Variants in PLEKHM3 observed in about 807,000 individuals in gnomAD.
PLEKHM3 encodes pleckstrin homology domain containing M3, also known as pleckstrin homology domain-containing family M member 3.
Under a neutral mutation model 81.8 loss-of-function variants are expected in PLEKHM3, and 45 were observed. The ratio of observed to expected loss-of-function variants is 0.55; its 90% CI spans 0.43 to 0.71. PLEKHM3 has a LOEUF of 0.71. Among genes scored for constraint, PLEKHM3 ranks in the 30% least tolerant of loss-of-function variants. The pLI is 0.00. For missense variants in PLEKHM3, 788 were observed against 924.3 expected, an observed-to-expected ratio of 0.85 and a Z score of 1.91; for synonymous variants, 352 against 356.4, an observed-to-expected ratio of 0.99 and a Z score of 0.14.
chr2:207,852,947 C>T (rs2092420232), intron 7 of PLEKHM3: 1 of 382,538 alleles, frequency 2.6e-6, no homozygotes, highest in Non-Finnish European at 5.0e-6. Flanking sequence ...ATGCACATCA[C>T]TTCTGTGGAT....
At chr2:207,979,861 T>G (rs146482618) in intron 2 of PLEKHM3, among the ~76,000 whole-genome samples, 2 of 152,348 alleles carry the variant, frequency 1.3e-5, no homozygotes, top group Admixed American at 1.3e-4. Context: ...TTTACATCTC[T>G]GGTCCTGACA....
At chr2:208,004,263 A>C (rs2106098343) in intron 1 of PLEKHM3, among the ~76,000 whole-genome samples, 1 of 152,198 alleles carries the variant, frequency 6.6e-6, no homozygotes, top group African/African-American at 2.4e-5. Context: ...AAAAATACAA[A>C]AATGAGCCAG....
chr2:207,960,478 AT>A (rs1174626175), intron 3 of PLEKHM3, among the ~76,000 whole-genome samples: 1 of 152,224 alleles, frequency 6.6e-6, no homozygotes, highest in Non-Finnish European at 1.5e-5. Flanking sequence ...AGTCCATCTA[AT>A]TTAGGGGTCC....
chr2:207,923,847 A>ACACG (rs1235834491), intron 5 of PLEKHM3, among the ~76,000 whole-genome samples: 2 of 68,512 alleles, frequency 2.9e-5, no homozygotes, highest in African/African-American at 9.5e-5. Flanking sequence ...ACATACATAC[A>ACACG]CACGCACGCA....
intron 2 of PLEKHM3, among the ~76,000 whole-genome samples, chr2:207,987,165 C>T (rs931634108): frequency 6.6e-6 from 1 of 152,300 alleles, no homozygotes; most frequent in South Asian, 2.1e-4. Context: ...TTGGTTCAAC[C>T]TCACCTAATG....
At chr2:207,879,806 T>A (rs1198181935) in intron 6 of PLEKHM3, among the ~76,000 whole-genome samples, 1 of 152,210 alleles carries the variant, frequency 6.6e-6, no homozygotes, top group African/African-American at 2.4e-5. Flanking sequence ...ATTTTTAAAT[T>A]GATTGTGAAA....
rs200610310 is a variant in PLEKHM3, at chr2:208,001,669, T to A, written c.-30A>T. ...CAGGCTCCAGGAGGCCTTAGCCTCC[T>A]AAGCTGGTTCCAGAAATGGCTTCAT... On this transcript the variant is annotated 5_prime_UTR_variant, in exon 2 of 8. An upstream open reading frame in the 5' UTR loses its in-frame stop. Coordinates refer to ENST00000427836, the MANE Select transcript of PLEKHM3 (RefSeq NM_001080475.3). 2 of 1,579,360 alleles carry A rather than the reference T, an allele frequency of 1.3e-6. No homozygotes were observed. The highest frequency in any genetic ancestry group is 1.4e-5 in the African/African-American group (1 of 73,110).
intron 5 of PLEKHM3, among the ~76,000 whole-genome samples, chr2:207,925,056 G>T (rs1194152449): frequency 1.3e-5 from 2 of 152,050 alleles, no homozygotes; most frequent in Non-Finnish European, 2.9e-5. Flanking sequence ...CACGTCAGAA[G>T]TGAGTGGGCA....
At chr2:207,909,325 A>G (rs1007685348) in intron 5 of PLEKHM3, among the ~76,000 whole-genome samples, 1 of 151,826 alleles carries the variant, frequency 6.6e-6, no homozygotes, top group Admixed American at 6.6e-5. Flanking sequence ...AGTGTAGATG[A>G]CTGGAAAACA....
At chr2:207,905,738 A>C (rs1175825893) in intron 6 of PLEKHM3, among the ~76,000 whole-genome samples, 2 of 152,222 alleles carry the variant, frequency 1.3e-5, no homozygotes, top group Non-Finnish European at 2.9e-5. Context: ...GTGAGCTGTT[A>C]AGTGAATGGA....
At chr2:207,848,923 C>A (rs1559206108) in intron 7 of PLEKHM3, among the ~76,000 whole-genome samples, 1 of 152,152 alleles carries the variant, frequency 6.6e-6, no homozygotes, top group African/African-American at 2.4e-5. Context: ...GATTACCTGA[C>A]AAAATAGATT....
chr2:207,992,347 G>A (rs1691926479), intron 2 of PLEKHM3, among the ~76,000 whole-genome samples: 1 of 152,186 alleles, frequency 6.6e-6, no homozygotes, highest in Non-Finnish European at 1.5e-5. Flanking sequence ...AAACTGTTGT[G>A]AGTATTAACT....
At chr2:207,846,975 A>G (rs2092386799) in intron 7 of PLEKHM3, among the ~76,000 whole-genome samples, 1 of 152,196 alleles carries the variant, frequency 6.6e-6, no homozygotes, top group African/African-American at 2.4e-5. Flanking sequence ...TATAGTTAGA[A>G]AGTTAAAATG....
At chr2:207,987,167 C>T (rs1432697651) in intron 2 of PLEKHM3, among the ~76,000 whole-genome samples, 1 of 152,170 alleles carries the variant, frequency 6.6e-6, no homozygotes, top group Non-Finnish European at 1.5e-5. Flanking sequence ...GGTTCAACCT[C>T]ACCTAATGGC....
intron 5 of PLEKHM3, among the ~76,000 whole-genome samples, chr2:207,923,899 A>ATTTT (rs1559238875): frequency 2.7e-4 from 22 of 82,572 alleles, no homozygotes; most frequent in African/African-American, 9.2e-4. Context: ...ATATATATAT[A>ATTTT]TATATATTTT....
At chr2:207,905,955 A>C (rs968491187) in intron 6 of PLEKHM3, among the ~76,000 whole-genome samples, 2 of 152,174 alleles carry the variant, frequency 1.3e-5, no homozygotes, top group African/African-American at 4.8e-5. Flanking sequence ...GGTGGAGAGA[A>C]AGACAGCAGG....
intron 5 of PLEKHM3, among the ~76,000 whole-genome samples, chr2:207,914,625 T>C (rs930735611): frequency 2.3e-4 from 34 of 149,382 alleles, no homozygotes; most frequent in Admixed American, 4.1e-4. Context: ...GAGGCTGCAG[T>C]GAGCCATGAT....
chr2:208,014,902 G>T (rs1279001072), intron 1 of PLEKHM3, among the ~76,000 whole-genome samples: 1 of 152,176 alleles, frequency 6.6e-6, no homozygotes, highest in Admixed American at 6.5e-5. Flanking sequence ...CACTGCTACG[G>T]CTATGCTAAT....
intron 6 of PLEKHM3, among the ~76,000 whole-genome samples, chr2:207,882,326 G>C (rs959430148): frequency 6.6e-6 from 1 of 152,074 alleles, no homozygotes; most frequent in Non-Finnish European, 1.5e-5. Flanking sequence ...AAAAGGCCTG[G>C]GTTGGCCGGA....
Sources: allele counts gnomAD v4.1 joint callset (sites outside exome capture counted in the v4.1 genomes callset), GRCh38; gene constraint gnomAD v4.1.1; transcripts MANE v1.5; gene names NCBI Gene and HGNC (gene_info 2026-07-23, HGNC 2026-07-21).